CDH4: variants seen among roughly 807,000 people sequenced by gnomAD.
CDH4 encodes the protein cadherin 4.
Under a neutral mutation model 86.0 loss-of-function variants are expected in CDH4, and 33 were observed. That is an observed-to-expected ratio of 0.38 (90% CI 0.29 to 0.51). The LOEUF (loss-of-function observed/expected upper bound fraction) is 0.51. Among genes scored for constraint, CDH4 ranks in the 20% least tolerant of loss-of-function variants. CDH4 has a pLI of 0.86. For missense variants in CDH4, 1,114 were observed against 1,307.4 expected (o/e 0.85, Z 2.28); for synonymous variants, 555 against 549.4 (o/e 1.01, Z -0.14).
rs750041040 is a variant in CDH4, at chr20:61,928,315, A to G, written c.1897A>G (p.Ile633Val). 2 of 1,610,796 alleles carry G rather than the reference A, an allele frequency of 1.2e-6. No individual in the cohort carries two copies. Among genetic ancestry groups the G allele is most frequent in the Non-Finnish European group, 8.5e-7 (1 of 1,180,000 alleles). Residue 633 changes from isoleucine (I) to valine (V), a missense_variant, in exon 12 of 16, where the codon ATC becomes GTC. This residue lies in a region of CDH4 where 705 missense variants were observed against 914.1 expected (regional missense o/e 0.77). Coordinates refer to ENST00000614565, the MANE Select transcript of CDH4 (RefSeq NM_001794.5). ...GAAGCCCAACCTGAACGCCATCAAC[A>G]TCACGGCGGCCGACGCTGACGTCGA... is the stretch of plus-strand genomic sequence containing the variant. ...CEKPNLNAIN[I>V]TAADADVDPN...
At chr20:61,597,977 T>G (rs1329852296) in intron 2 of CDH4, among the ~76,000 whole-genome samples, 2 of 152,212 alleles carry the variant, frequency 1.3e-5, no homozygotes, top group Non-Finnish European at 1.5e-5. Context: ...CTTATTCATT[T>G]TGTAATTAGA....
At chr20:61,924,159 T>G (rs2055018414) in intron 10 of CDH4, among the ~76,000 whole-genome samples, 175 bp from the exon 11 acceptor site, 1 of 150,184 alleles carries the variant, frequency 6.7e-6, no homozygotes, top group African/African-American at 2.4e-5. Context: ...GGGGGGAGGG[T>G]GCCAGTCCAA....
intron 2 of CDH4, among the ~76,000 whole-genome samples, chr20:61,621,171 A>G (rs896461549): frequency 2.0e-5 from 3 of 152,252 alleles, no homozygotes; most frequent in Non-Finnish European, 4.4e-5. Context: ...AAAGCTGACC[A>G]TCAGGCGGAG....
intron 2 of CDH4, among the ~76,000 whole-genome samples, chr20:61,521,882 G>A (rs1035142540): frequency 6.6e-6 from 1 of 152,200 alleles, no homozygotes; most frequent in African/African-American, 2.4e-5. Flanking sequence ...CGCATTTCCT[G>A]TTGGAGGTCT....
In CDH4 at chr20:61,656,258, T is replaced by TGCTGGGGC. The variant is rs1568737237; in HGVS notation, c.170-87304_170-87303insCTGGGGCG. Among the ~76,000 whole-genome samples the TGCTGGGGC allele has an allele frequency of 2.3e-3, 213 of 91,102 alleles. 5 individuals carry two copies. Among genetic ancestry groups the TGCTGGGGC allele is most frequent in the African/African-American group, 8.6e-3 (201 of 23,340 alleles). The allele number at this position is 91,102 out of a possible 152,430, so 59.8% of individuals were successfully genotyped here. A position where few individuals can be genotyped will look rare whatever the true frequency, so the allele number is the denominator to read the frequency against. ...TGGGGTGGGCAGGCGCGTGCTGGGG[T>TGCTGGGGC]GGGCAGGCGCGTGCTGGGGTGGGCA... On this transcript the variant is annotated intron_variant, in intron 2 of 15. Transcript: ENST00000614565.
intron 2 of CDH4, among the ~76,000 whole-genome samples, chr20:61,612,266 T>C (rs1242396994): frequency 6.6e-6 from 1 of 152,162 alleles, no homozygotes; most frequent in Non-Finnish European, 1.5e-5. Flanking sequence ...CTTCAAAATA[T>C]ACAATACATC....
chr20:61,363,432 TACAC>T (rs1332537862), intron 2 of CDH4, among the ~76,000 whole-genome samples: 1 of 151,332 alleles, frequency 6.6e-6, no homozygotes, highest in Non-Finnish European at 1.5e-5. Context: ...CTCTCTCACA[TACAC>T]ACACACACAA....
intron 2 of CDH4, among the ~76,000 whole-genome samples, chr20:61,394,343 G>A (rs1600936070): frequency 6.6e-6 from 1 of 152,102 alleles, no homozygotes; most frequent in South Asian, 2.1e-4. Flanking sequence ...CCACCTCTCA[G>A]CCCCAGCGAC....
intron 9 of CDH4, among the ~76,000 whole-genome samples, chr20:61,913,903 T>C (rs945313627): frequency 9.2e-5 from 14 of 152,162 alleles, no homozygotes; most frequent in African/African-American, 3.4e-4. Flanking sequence ...TCTGCTGAGT[T>C]TGTGCCACGT....
chr20:61,340,249 A>G (rs1366693624), intron 2 of CDH4, among the ~76,000 whole-genome samples: 1 of 152,160 alleles, frequency 6.6e-6, no homozygotes. Context: ...ACTCAACCTG[A>G]CCCTGAGTCA....
At chr20:61,383,090 T>TATATTATATATAGA (rs1568822056) in intron 2 of CDH4, among the ~76,000 whole-genome samples, 3 of 115,468 alleles carry the variant, frequency 2.6e-5, no homozygotes, top group South Asian at 2.4e-4. Context: ...TATATATGAA[T>TATATTATATATAGA]ATATATATGA....
chr20:61,484,610 G>A (rs943039385), intron 2 of CDH4, among the ~76,000 whole-genome samples: 4 of 152,340 alleles, frequency 2.6e-5, no homozygotes, highest in Middle Eastern at 3.4e-3. Context: ...CAGGAAGAAC[G>A]TGGACCACGT....
At chr20:61,382,479 A>T (rs1172714333) in intron 2 of CDH4, among the ~76,000 whole-genome samples, 1 of 152,210 alleles carries the variant, frequency 6.6e-6, no homozygotes, top group Non-Finnish European at 1.5e-5. Context: ...TGTCTCTGCC[A>T]TGGGCCCTCC....
chr20:61,442,486 C>T (rs894520430), intron 2 of CDH4, among the ~76,000 whole-genome samples: 4 of 152,246 alleles, frequency 2.6e-5, no homozygotes, highest in African/African-American at 9.6e-5. Context: ...GATTGCAGAA[C>T]TAACCACCCT....
chr20:61,372,926 G>A (rs2084848279), intron 2 of CDH4, among the ~76,000 whole-genome samples: 1 of 152,256 alleles, frequency 6.6e-6, no homozygotes, highest in Non-Finnish European at 1.5e-5. Flanking sequence ...GCGTGGACAC[G>A]CAACCCCAGC....
At chr20:61,871,616 G>A (rs1983805882) in intron 6 of CDH4, among the ~76,000 whole-genome samples, 1 of 152,052 alleles carries the variant, frequency 6.6e-6, no homozygotes, top group Non-Finnish European at 1.5e-5. Flanking sequence ...AGAGGGAGGG[G>A]GATGTCTCTT....
chr20:61,839,903 G>C (rs111817609), intron 4 of CDH4, among the ~76,000 whole-genome samples: 2,751 of 143,754 alleles, frequency 0.019, 74 homozygotes, highest in African/African-American at 0.071. Context: ...TGTGTGTACT[G>C]TGTGTGTGTG....
chr20:61,389,441 T>C (rs1318175971), intron 2 of CDH4, among the ~76,000 whole-genome samples: 2 of 152,254 alleles, frequency 1.3e-5, no homozygotes, highest in Admixed American at 1.3e-4. Context: ...CACTACAGTA[T>C]TTCTCATACC....
intron 4 of CDH4, among the ~76,000 whole-genome samples, chr20:61,798,110 G>A (rs538488669): frequency 5.8e-4 from 88 of 152,222 alleles, no homozygotes; most frequent in African/African-American, 1.9e-3. Flanking sequence ...GACACCCCTC[G>A]CCCGGGTCAC....
Sources: allele counts gnomAD v4.1 joint callset (sites outside exome capture counted in the v4.1 genomes callset), GRCh38; gene constraint gnomAD v4.1.1; regional missense constraint gnomAD v4.1.1; transcripts MANE v1.5; gene names NCBI Gene and HGNC (gene_info 2026-07-23, HGNC 2026-07-21).